EIF4E2: variants seen among roughly 807,000 people sequenced by gnomAD.
EIF4E2 encodes eukaryotic translation initiation factor 4E family member 2, also known as eukaryotic translation initiation factor 4E type 2.
Under a neutral mutation model 34.2 loss-of-function variants are expected in EIF4E2, and 13 were observed. The observed-to-expected ratio is 0.38, with a 90% CI of 0.25 to 0.60. The LOEUF is 0.60. Among genes scored for constraint, EIF4E2 ranks in the 20% least tolerant of loss-of-function variants. The pLI, the probability that EIF4E2 is intolerant of heterozygous loss-of-function variation, is 0.62. For synonymous variants in EIF4E2, 100 were observed against 106.6 expected, an observed-to-expected ratio of 0.94 and a Z score of 0.38; for missense variants, 222 against 315.1, an observed-to-expected ratio of 0.70 and a Z score of 2.24.
At chr2:232,580,084 CCACACACACACACACACACA>C (rs6147227) in intron 6 of EIF4E2, among the ~76,000 whole-genome samples, 45 of 145,230 alleles carry the variant, frequency 3.1e-4, no homozygotes, top group Admixed American at 5.6e-4. Flanking sequence ...CACATACATA[CCACACACACACACACACACA>C]CACACACACA....
chr2:232,555,727 G>A (rs1045041728), intron 1 of EIF4E2, among the ~76,000 whole-genome samples: 5 of 152,156 alleles, frequency 3.3e-5, no homozygotes, highest in Non-Finnish European at 7.3e-5. Flanking sequence ...GCACCGATAC[G>A]GCAACATAGA....
At chr2:232,571,547 A>G (rs888586864), downstream of EIF4E2, among the ~76,000 whole-genome samples, 3 of 152,206 alleles carry the variant, frequency 2.0e-5, no homozygotes, top group Admixed American at 2.0e-4. Flanking sequence ...CTAGCCTGGA[A>G]TGGAAAAGGA....
downstream of EIF4E2, among the ~76,000 whole-genome samples, chr2:232,570,932 C>T (rs1379018314): frequency 6.6e-6 from 1 of 152,122 alleles, no homozygotes; most frequent in Non-Finnish European, 1.5e-5. Context: ...AGCAAAACTC[C>T]ATCTCAAAAA....
At chr2:232,579,827 A>T (rs1693303591) in intron 6 of EIF4E2, among the ~76,000 whole-genome samples, 1 of 152,096 alleles carries the variant, frequency 6.6e-6, no homozygotes, top group Non-Finnish European at 1.5e-5. Context: ...ATGTCCCTTT[A>T]AAATCAAAGA....
intron 1 of EIF4E2, among the ~76,000 whole-genome samples, chr2:232,554,436 T>C (rs1692450639): frequency 6.6e-6 from 1 of 152,166 alleles, no homozygotes; most frequent in Non-Finnish European, 1.5e-5. Context: ...GAGGCGTGGG[T>C]ATATCTGTGT....
rs765157137 is a variant in EIF4E2, at chr2:232,566,987, C to A, written c.528+6C>A. ...TGGTGTCTGTCCGCTTTCAGGTAAG[C>A]CACCCATGAGCCAGGCTGGTTTCTT... is the stretch of plus-strand genomic sequence containing the variant. On this transcript the variant is annotated splice_donor_region_variant and intron_variant, in intron 5 of 6. Transcript: ENST00000258416. The surrounding 1 kb of genome is among the most constrained non-coding windows in gnomAD (Gnocchi z 4.9). 1.4e-5 allele frequency: 23 copies of A among 1,589,260 alleles called. No homozygotes were observed. The Admixed American group carries it at 4.0e-4, about 28-fold the overall frequency.
chr2:232,576,075 A>G (rs573473338), intron 6 of EIF4E2, among the ~76,000 whole-genome samples: 19 of 152,202 alleles, frequency 1.2e-4, no homozygotes, highest in East Asian at 3.9e-4. Flanking sequence ...GTGGTGGCAC[A>G]CACCTGTTGT....
Position 232,550,762 on chromosome 2 carries a change from GC to G in EIF4E2, c.20+23del. On this transcript the variant is annotated intron_variant, in intron 1 of 6. Transcript: ENST00000258416. Reference sequence around the variant, plus strand: ...TTCGACGCGTGAGTGGCTCGTGGCCGCCCCCGGGGCCCCTTCCCCGAACAGT... The same window carrying G: ...TTCGACGCGTGAGTGGCTCGTGGCCGCCCCGGGGCCCCTTCCCCGAACAGT... 2 of 1,555,478 alleles carry G rather than the reference GC, an allele frequency of 1.3e-6. No homozygotes were observed. Among genetic ancestry groups the G allele is most frequent in the East Asian group, 2.5e-5 (1 of 40,300 alleles).
In EIF4E2 at chr2:232,566,929, A is replaced by G; in HGVS notation, c.476A>G (p.Gln159Arg). The G allele has an allele frequency of 6.2e-7, 1 of 1,610,766 alleles. No individual in the cohort carries two copies. Among genetic ancestry groups the G allele is most frequent in the Non-Finnish European group, 8.5e-7 (1 of 1,178,518 alleles). ...CTCATTTTGGCCATGCTGGGGGAAC[A>G]GTTCATGGTTGGGGAGGAGATCTGT... ...ENLILAMLGEQFMVGEEICGA... is the reference protein window; with the variant it reads ...ENLILAMLGERFMVGEEICGA... Residue 159 changes from glutamine (Q) to arginine (R), a missense_variant, in exon 5 of 7, where the codon CAG becomes CGG. Physicochemically the swap from Gln to Arg is conservative, Grantham distance 43. This residue lies in a region of EIF4E2 where 105 missense variants were observed against 195.1 expected (regional missense o/e 0.54). Coordinates refer to ENST00000258416, the MANE Select transcript of EIF4E2 (RefSeq NM_004846.4). The surrounding 1 kb of genome is among the most constrained non-coding windows in gnomAD (Gnocchi z 4.9).
At chr2:232,568,739 T>A (rs542784597) in intron 6 of EIF4E2, 6 of 985,462 alleles carry the variant, frequency 6.1e-6, no homozygotes, top group Non-Finnish European at 7.2e-6. Flanking sequence ...TTACAGAGTT[T>A]AGGAGAGCCT....
chr2:232,568,154 A>C, intron 6 of EIF4E2: 1 of 985,388 alleles, frequency 1.0e-6, no homozygotes, highest in Non-Finnish European at 1.2e-6. Flanking sequence ...TGCTATCATC[A>C]TCATCATCAT....
At chr2:232,577,623 AT>A (rs1012519091) in intron 6 of EIF4E2, among the ~76,000 whole-genome samples, 4 of 152,186 alleles carry the variant, frequency 2.6e-5, no homozygotes, top group African/African-American at 9.7e-5. Flanking sequence ...TTGGACAACG[AT>A]TTTCCCCAAG....
intron 6 of EIF4E2, among the ~76,000 whole-genome samples, chr2:232,576,429 A>T (rs79595023): frequency 0.017 from 2,628 of 152,226 alleles, 31 homozygotes; most frequent in Admixed American, 0.027. Context: ...CCTAGGAAAA[A>T]TATCTTTGAA....
chr2:232,551,188 C>T (rs966618565), intron 1 of EIF4E2: 1 of 493,484 alleles, frequency 2.0e-6, no homozygotes, highest in Non-Finnish European at 4.1e-6. Context: ...CGGTAACACC[C>T]TTTGTCGTAG....
chr2:232,565,700 A>G (rs1269630294), intron 4 of EIF4E2, among the ~76,000 whole-genome samples: 2 of 152,202 alleles, frequency 1.3e-5, no homozygotes, highest in Non-Finnish European at 2.9e-5. Flanking sequence ...CTTCCTTAAC[A>G]TAGTGTGCAT....
At chr2:232,562,455 G>A (rs1418122695) in intron 3 of EIF4E2, among the ~76,000 whole-genome samples, 1 of 151,980 alleles carries the variant, frequency 6.6e-6, no homozygotes, top group Non-Finnish European at 1.5e-5. Flanking sequence ...GCGTGGTGGT[G>A]TGTGCCTGTA....
chr2:232,583,614 T>G (rs1277520985), exon 7 of EIF4E2: 1 of 152,230 alleles, frequency 6.6e-6, no homozygotes, highest in East Asian at 1.9e-4. Flanking sequence ...AATTATCTAC[T>G]GCAGTAATAA....
intron 3 of EIF4E2, among the ~76,000 whole-genome samples, chr2:232,561,364 C>T (rs142729200): frequency 6.6e-5 from 10 of 151,672 alleles, no homozygotes; most frequent in Non-Finnish European, 1.0e-4. Flanking sequence ...CCAAATTGTA[C>T]GAGGAGGGTT....
At position 232,581,046 on chromosome 2, in the gene EIF4E2, C is replaced by T; in HGVS notation, c.*103C>T. The T allele has an allele frequency of 1.7e-6, 2 of 1,166,856 alleles. No homozygotes were observed. Among genetic ancestry groups the T allele is most frequent in the Non-Finnish European group, 2.5e-6 (2 of 797,024 alleles). The allele number at this position is 1,166,856 out of a possible 1,614,324, so 72.3% of individuals were successfully genotyped here. On this transcript the variant is annotated 3_prime_UTR_variant, in exon 7 of 7. Transcript: ENST00000409098. This position sits in a 1 kb window ranked among gnomAD's most constrained non-coding sequence, Gnocchi z 5.2. ...TTCCATTGCTCACTGAAGGGACGTCCCTGAGCCGTGCGCTCTCCTTTTGCA... is the reference window on the plus strand; with the variant it reads ...TTCCATTGCTCACTGAAGGGACGTCTCTGAGCCGTGCGCTCTCCTTTTGCA...
Sources: allele counts gnomAD v4.1 joint callset (sites outside exome capture counted in the v4.1 genomes callset), GRCh38; gene constraint gnomAD v4.1.1; regional missense constraint gnomAD v4.1.1; non-coding constraint Gnocchi (gnomAD v3.1); transcripts MANE v1.5; gene names NCBI Gene and HGNC (gene_info 2026-07-23, HGNC 2026-07-21).